The following GAS7 variants were observed in gnomAD, a reference collection of about 807,000 sequenced individuals.
The protein encoded by GAS7 is growth arrest specific 7.
Under a neutral mutation model 71.1 loss-of-function variants are expected in GAS7, and 28 were observed. That is an observed-to-expected ratio of 0.39 (90% CI 0.29 to 0.54). The LOEUF (loss-of-function observed/expected upper bound fraction) is 0.54, where lower values mean the gene tolerates loss of function less well. Among genes scored for constraint, GAS7 ranks in the 20% least tolerant of loss-of-function variants. The pLI, the probability that GAS7 is intolerant of heterozygous loss-of-function variation, is 0.62. For synonymous variants in GAS7, 258 were observed against 245.8 expected (o/e 1.05, Z -0.46); for missense variants, 436 against 627.8 (o/e 0.69, Z 3.27).
intron 1 of GAS7, among the ~76,000 whole-genome samples, chr17:10,118,601 G>A (rs1223979828): frequency 6.6e-6 from 1 of 151,600 alleles, no homozygotes; most frequent in Non-Finnish European, 1.5e-5. Flanking sequence ...CTACCCTGGG[G>A]GCTGAGGCAG....
intron 1 of GAS7, among the ~76,000 whole-genome samples, chr17:10,172,652 G>A (rs973986303): frequency 5.3e-5 from 8 of 152,194 alleles, no homozygotes; most frequent in African/African-American, 1.9e-4. Flanking sequence ...TGTGGCTTGC[G>A]CCTCTTACAA....
At chr17:10,016,916 C>T (rs2072046226) in intron 2 of GAS7, among the ~76,000 whole-genome samples, 1 of 150,622 alleles carries the variant, frequency 6.6e-6, no homozygotes, top group Non-Finnish European at 1.5e-5. Context: ...TGCCACTGCA[C>T]TCTAGCCTGG....
intron 2 of GAS7, among the ~76,000 whole-genome samples, chr17:9,987,824 G>C (rs1230684057): frequency 6.6e-6 from 1 of 152,224 alleles, no homozygotes; most frequent in African/African-American, 2.4e-5. Context: ...TGTTAAGGCT[G>C]CATCCTGCCT....
intron 1 of GAS7, among the ~76,000 whole-genome samples, chr17:10,111,286 C>G (rs11654868): frequency 6.6e-6 from 1 of 151,382 alleles, no homozygotes; most frequent in African/African-American, 2.4e-5. Context: ...TGTAATCCCA[C>G]AACTTTGGGA....
chr17:10,130,878 A>C (rs2073991792), intron 1 of GAS7, among the ~76,000 whole-genome samples: 1 of 152,198 alleles, frequency 6.6e-6, no homozygotes, highest in Non-Finnish European at 1.5e-5. Flanking sequence ...GTGACTGCTA[A>C]TGGGAATGGC....
intron 1 of GAS7, among the ~76,000 whole-genome samples, chr17:10,091,437 G>A (rs1029214984): frequency 6.6e-6 from 1 of 152,126 alleles, no homozygotes; most frequent in South Asian, 2.1e-4. Context: ...CCCCAGGCTA[G>A]AGCACGGTGG....
rs370635552 is a variant in GAS7, at chr17:9,911,322, C to G, written c.*5906G>C. Reference sequence around the variant, plus strand: ...AGCAGGGCCAGTCCTGTGCTCTCCCCCTGCATAGCAGGCTTTCCCTCTAGG... The same window carrying G: ...AGCAGGGCCAGTCCTGTGCTCTCCCGCTGCATAGCAGGCTTTCCCTCTAGG... On this transcript the variant is annotated 3_prime_UTR_variant, in exon 14 of 14. Transcript: ENST00000432992. This position sits in a 1 kb window ranked among gnomAD's most constrained non-coding sequence, Gnocchi z 4.0. 18 of 233,524 alleles carry G rather than the reference C, an allele frequency of 7.7e-5. No individual in the cohort carries two copies. In the East Asian group the frequency reaches 9.6e-4, roughly 13 times the overall value. 14.5% of individuals were successfully genotyped at this position (233,524 alleles called of 1,614,324 possible). A position where few individuals can be genotyped will look rare whatever the true frequency, so the allele number is the denominator to read the frequency against.
At chr17:9,970,037 G>T (rs767727508) in intron 3 of GAS7, among the ~76,000 whole-genome samples, 140 of 152,220 alleles carry the variant, frequency 9.2e-4, no homozygotes, top group Non-Finnish European at 1.7e-3. Flanking sequence ...CTAACAGGAG[G>T]GGAGGTCACT....
chr17:10,007,239 G>GT (rs2071572528), intron 2 of GAS7, among the ~76,000 whole-genome samples: 1 of 152,092 alleles, frequency 6.6e-6, no homozygotes, highest in Non-Finnish European at 1.5e-5. Context: ...GTATTGTTTT[G>GT]TTTTTTAAAC....
chr17:10,098,050 A>AG (rs2073661170), intron 1 of GAS7, among the ~76,000 whole-genome samples: 1 of 151,950 alleles, frequency 6.6e-6, no homozygotes, highest in African/African-American at 2.4e-5. Context: ...TCTCAAAAAA[A>AG]AAAAAAAAAG....
chr17:10,121,186 G>A (rs753898421), intron 1 of GAS7, among the ~76,000 whole-genome samples: 38 of 152,312 alleles, frequency 2.5e-4, no homozygotes, highest in Non-Finnish European at 4.9e-4. Context: ...TTTGAGACCA[G>A]CCTGGCCAAC....
chr17:10,027,907 C>A (rs11869521), intron 1 of GAS7, among the ~76,000 whole-genome samples: 43 of 152,282 alleles, frequency 2.8e-4, no homozygotes, highest in Non-Finnish European at 5.9e-4. Flanking sequence ...TGTTTTTTGA[C>A]GGAGTCTCAC....
intron 1 of GAS7, among the ~76,000 whole-genome samples, chr17:10,120,859 G>A (rs922212792): frequency 2.0e-5 from 3 of 152,138 alleles, no homozygotes; most frequent in African/African-American, 4.8e-5. Context: ...GGTGGAGAAC[G>A]GCAGCTACGG....
At chr17:9,918,961 T>C (rs1231622393) in intron 12 of GAS7, among the ~76,000 whole-genome samples, 2 of 152,150 alleles carry the variant, frequency 1.3e-5, no homozygotes, top group Non-Finnish European at 2.9e-5. Context: ...GGAAGGCAGC[T>C]GGTTAGTCCT....
rs1391807859 is a variant in GAS7, at chr17:9,965,971, TCCCCCGACACCCAC to T, written c.471+3692_471+3705del. ...TGTCCGTGGAAAGTCCCTTTCCCCA[TCCCCCGACACCCAC>T]CCCCCAAAATTCTTTTTTTTTTTTT... On this transcript the variant is annotated intron_variant, in intron 4 of 13. Transcript: ENST00000432992. Among the ~76,000 whole-genome samples, 7 of 144,674 alleles carry T rather than the reference TCCCCCGACACCCAC, an allele frequency of 4.8e-5. No individual in the cohort carries two copies. In the East Asian group the frequency reaches 8.2e-4, roughly 17 times the overall value. 94.9% of individuals were successfully genotyped at this position (144,674 alleles called of 152,430 possible).
intron 1 of GAS7, among the ~76,000 whole-genome samples, chr17:10,123,496 G>A (rs1043064308): frequency 4.6e-5 from 7 of 152,236 alleles, no homozygotes; most frequent in African/African-American, 1.7e-4. Flanking sequence ...GTCCAGTCCT[G>A]CTGTTGATCT....
intron 1 of GAS7, among the ~76,000 whole-genome samples, chr17:10,111,846 G>A (rs2073816635): frequency 6.6e-6 from 1 of 152,156 alleles, no homozygotes; most frequent in East Asian, 1.9e-4. Context: ...ATGAAGAACT[G>A]CTGCCGTGTT....
chr17:9,988,935 G>A (rs1012184137), intron 2 of GAS7, among the ~76,000 whole-genome samples: 40 of 147,242 alleles, frequency 2.7e-4, no homozygotes, highest in Admixed American at 1.2e-3. Flanking sequence ...TGCAAGCTCC[G>A]CCTCCCAGGT....
intron 1 of GAS7, among the ~76,000 whole-genome samples, chr17:10,038,704 T>C (rs1164611348): frequency 1.3e-5 from 2 of 150,236 alleles, no homozygotes; most frequent in African/African-American, 4.9e-5. Flanking sequence ...AATTTTTTTT[T>C]TTTTTTTTTT....
Sources: gnomAD v4.1 joint callset for allele counts (sites outside exome capture counted in the v4.1 genomes callset) on GRCh38, gnomAD v4.1.1 for gene constraint, Gnocchi (gnomAD v3.1) non-coding constraint, MANE v1.5 for transcripts, NCBI Gene and HGNC (gene_info 2026-07-23, HGNC 2026-07-21) for gene names.